Variants in MAD1L1 observed in about 807,000 individuals in gnomAD.
MAD1L1 encodes the protein mitotic spindle assembly checkpoint protein MAD1.
In MAD1L1, 95 loss-of-function variants were observed where a neutral mutation model predicts 96.9. The ratio of observed to expected loss-of-function variants is 0.98; its 90% confidence interval spans 0.83 to 1.16. The LOEUF is 1.16. MAD1L1 is among the 50% of genes most tolerant of loss of function. The pLI is 0.00. For synonymous variants in MAD1L1, 473 were observed against 396.6 expected (o/e 1.19, Z -2.29); for missense variants, 1,007 against 954.4 (o/e 1.06, Z -0.73).
chr7:2,231,780 G>A (rs1025017715), intron 1 of MAD1L1, among the ~76,000 whole-genome samples: 10 of 151,938 alleles, frequency 6.6e-5, no homozygotes, highest in African/African-American at 1.7e-4. Context: ...CAGAAAGAAA[G>A]GTATCTGACA....
At chr7:1,948,500 G>A (rs1246063145) in intron 16 of MAD1L1, among the ~76,000 whole-genome samples, 1 of 152,184 alleles carries the variant, frequency 6.6e-6, no homozygotes, top group Non-Finnish European at 1.5e-5. Flanking sequence ...AGGAGACGGC[G>A]CTGAGGCCAC....
rs374998656 is a variant in MAD1L1, at chr7:1,973,426, GGT to G, written c.1505+7025_1505+7026del. On this transcript the variant is annotated intron_variant, in intron 15 of 18. Transcript: ENST00000265854. ...TGCTCACAAGGGCGACAGACAGGCA[GGT>G]GTGAACTGGGCCCCTAGAGTGGGGA... 1.6e-3 allele frequency among the ~76,000 whole-genome samples: 241 copies of G among 152,298 alleles called. 2 individuals carry two copies. The highest frequency in any genetic ancestry group is 5.6e-3 in the African/African-American group (234 of 41,556).
chr7:1,848,072 T>C (rs182882817), intron 18 of MAD1L1: 2 of 299,846 alleles, frequency 6.7e-6, no homozygotes, highest in Non-Finnish European at 1.3e-5. Context: ...GGGGCTGGGG[T>C]GTGCAGAGAC....
intron 12 of MAD1L1, among the ~76,000 whole-genome samples, chr7:2,058,638 C>T (rs1242323245): frequency 4.4e-5 from 2 of 45,080 alleles, no homozygotes; most frequent in African/African-American, 2.0e-4. Context: ...AGGGGAGAGG[C>T]GCAGGGCTGG....
chr7:2,013,887 A>G (rs571137549), intron 13 of MAD1L1, among the ~76,000 whole-genome samples: 32 of 152,306 alleles, frequency 2.1e-4, no homozygotes, highest in African/African-American at 7.5e-4. Flanking sequence ...AGCTGCTCAG[A>G]GCTAGACAAG....
chr7:1,936,316 T>C (rs1778599572), intron 17 of MAD1L1, among the ~76,000 whole-genome samples: 1 of 152,238 alleles, frequency 6.6e-6, no homozygotes, highest in African/African-American at 2.4e-5. Context: ...CTGGACGCCA[T>C]GAAGCACACT....
intron 10 of MAD1L1, among the ~76,000 whole-genome samples, chr7:2,207,575 T>C (rs1414963915): frequency 6.6e-6 from 1 of 152,216 alleles, no homozygotes; most frequent in Non-Finnish European, 1.5e-5. Context: ...GAGGGTGGTG[T>C]GCCCAGAGAG....
intron 11 of MAD1L1, among the ~76,000 whole-genome samples, chr7:2,118,440 A>G (rs1381076620): frequency 1.3e-5 from 2 of 152,254 alleles, no homozygotes; most frequent in Non-Finnish European, 2.9e-5. Flanking sequence ...GTGGTGTGTC[A>G]GAGCCACGGG....
At chr7:2,155,838 G>A (rs924296151) in intron 10 of MAD1L1, among the ~76,000 whole-genome samples, 1 of 152,156 alleles carries the variant, frequency 6.6e-6, no homozygotes, top group Non-Finnish European at 1.5e-5. Context: ...CACTGACAGA[G>A]CATCCCCTTT....
intron 18 of MAD1L1, among the ~76,000 whole-genome samples, chr7:1,888,063 G>A (rs1786249784): frequency 6.6e-6 from 1 of 150,544 alleles, no homozygotes; most frequent in Admixed American, 6.6e-5. Context: ...CTTCATCCGT[G>A]TGGGTGGCTG....
intron 11 of MAD1L1, among the ~76,000 whole-genome samples, chr7:2,101,687 G>A (rs1307439978): frequency 1.3e-5 from 2 of 152,178 alleles, no homozygotes; most frequent in African/African-American, 4.8e-5. Flanking sequence ...GAACAAAGAC[G>A]CTTCTTCCCT....
intron 11 of MAD1L1, among the ~76,000 whole-genome samples, chr7:2,089,827 T>C (rs1786116972): frequency 6.6e-6 from 1 of 152,242 alleles, no homozygotes; most frequent in Admixed American, 6.5e-5. Flanking sequence ...AATCATGCTG[T>C]TCTGACATCC....
At chr7:1,970,686 A>G (rs1780364573) in intron 15 of MAD1L1, among the ~76,000 whole-genome samples, 1 of 152,140 alleles carries the variant, frequency 6.6e-6, no homozygotes, top group African/African-American at 2.4e-5. Context: ...GCTGTGTCCT[A>G]TATCTTACTG....
chr7:2,175,777 C>T (rs1387267660), intron 10 of MAD1L1, among the ~76,000 whole-genome samples: 1 of 152,192 alleles, frequency 6.6e-6, no homozygotes, highest in Non-Finnish European at 1.5e-5. Context: ...CTGGTCCCTT[C>T]CGTCCAGGCC....
chr7:2,138,162 T>A (rs1439695964), intron 11 of MAD1L1, among the ~76,000 whole-genome samples: 1 of 152,168 alleles, frequency 6.6e-6, no homozygotes, highest in Non-Finnish European at 1.5e-5. Flanking sequence ...TACAAAGGGT[T>A]TCATGGGGGT....
intron 10 of MAD1L1, among the ~76,000 whole-genome samples, chr7:2,209,475 G>A (rs1792782089): frequency 6.6e-6 from 1 of 152,198 alleles, no homozygotes; most frequent in Non-Finnish European, 1.5e-5. Context: ...AGGCAGGCAT[G>A]GGACAGCCAG....
intron 17 of MAD1L1, among the ~76,000 whole-genome samples, chr7:1,905,220 G>A (rs374556989): frequency 1.1e-5 from 1 of 92,336 alleles, no homozygotes; most frequent in African/African-American, 3.6e-5. Flanking sequence ...ATTCATGATT[G>A]ATGAAGCACT....
chr7:1,958,655 T>A (rs1167014830), intron 15 of MAD1L1, among the ~76,000 whole-genome samples: 1 of 152,172 alleles, frequency 6.6e-6, no homozygotes, highest in Non-Finnish European at 1.5e-5. Context: ...ATGCCTGCCA[T>A]CCAGTCAAAG....
chr7:2,230,209 G>A (rs993355875), intron 2 of MAD1L1, 66 bp from the exon 3 acceptor site: 4 of 1,368,150 alleles, frequency 2.9e-6, no homozygotes, highest in South Asian at 1.3e-5. Context: ...CGTGCAGTCA[G>A]CAGAGCCTCT....
Sources: gnomAD v4.1 joint callset for allele counts (sites outside exome capture counted in the v4.1 genomes callset) on GRCh38, gnomAD v4.1.1 for gene constraint, MANE v1.5 for transcripts, NCBI Gene and HGNC (gene_info 2026-07-23, HGNC 2026-07-21) for gene names.